CDH18: variants seen among roughly 807,000 people sequenced by gnomAD.
CDH18 encodes the protein cadherin-18.
CDH18 carries 31 observed loss-of-function variants against 67.9 expected under a neutral mutation model. The ratio of observed to expected loss-of-function variants is 0.46; its 90% CI spans 0.34 to 0.62. The LOEUF is 0.62. Ranked by LOEUF, CDH18 falls within the 20% of genes least tolerant of loss-of-function variation. The pLI is 0.01. For synonymous variants in CDH18, 362 were observed against 347.2 expected (o/e 1.04, Z -0.48); for missense variants, 890 against 975.5 (o/e 0.91, Z 1.17).
At chr5:20,213,073 AGC>A (rs1740478881) in intron 2 of CDH18, among the ~76,000 whole-genome samples, 1 of 152,158 alleles carries the variant, frequency 6.6e-6, no homozygotes, top group South Asian at 2.1e-4. Context: ...TGTGTGATTA[AGC>A]TCATTAAGCT....
At chr5:19,851,889 A>T (rs1367151234) in intron 2 of CDH18, among the ~76,000 whole-genome samples, 2 of 151,936 alleles carry the variant, frequency 1.3e-5, no homozygotes, top group African/African-American at 4.8e-5. Context: ...CTTTTAGTTC[A>T]TTAGCTGATA....
At chr5:20,477,339 G>A (rs1351640169) in intron 1 of CDH18, among the ~76,000 whole-genome samples, 4 of 152,094 alleles carry the variant, frequency 2.6e-5, no homozygotes, top group South Asian at 2.1e-4. Context: ...AATCAGGTAG[G>A]CAATAACAGT....
intron 3 of CDH18, among the ~76,000 whole-genome samples, chr5:19,761,231 C>A (rs2149704845): frequency 6.6e-6 from 1 of 152,242 alleles, no homozygotes. Flanking sequence ...GCAATCTTAG[C>A]AAATTTGAGG....
rs914145884 is a variant in CDH18 at position 19,969,711 on chromosome 5, G to T, written c.-257+11349C>A. 1.7e-4 allele frequency among the ~76,000 whole-genome samples: 23 copies of T among 136,046 alleles called. No homozygotes were observed. In the South Asian group the frequency reaches 6.1e-3, roughly 36 times the overall value. The allele number at this position is 136,046 out of a possible 152,430, so 89.3% of individuals were successfully genotyped here. On this transcript the variant is annotated intron_variant, in intron 2 of 12. Transcript: ENST00000382275. The stretch of plus-strand genomic sequence containing the variant: ...GACTGTTGTGTGGTGGGGGGAGCGG[G>T]GAGGGATAGCATTAGGAGATATACC...
At chr5:20,028,103 AT>A (rs560141098) in intron 2 of CDH18, among the ~76,000 whole-genome samples, 92 of 144,300 alleles carry the variant, frequency 6.4e-4, no homozygotes, top group Admixed American at 7.7e-4. Flanking sequence ...ACAACTTTCT[AT>A]TTTTTTTTTT....
At position 20,322,099 on chromosome 5, in the gene CDH18, G is replaced by A. The variant is rs1349411147; in HGVS notation, c.-579-66594C>T. 3.9e-5 allele frequency among the ~76,000 whole-genome samples: 6 copies of A among 152,094 alleles called. No individual in the cohort carries two copies. In the East Asian group the frequency reaches 1.2e-3, roughly 29 times the overall value. On this transcript the variant is annotated intron_variant, in intron 1 of 14. Transcript: ENST00000507958. ...GTCTCATGGCACAACAACATTATAT[G>A]CAGGAACAGAGTGCATGGTTGGAAG...
intron 2 of CDH18, among the ~76,000 whole-genome samples, chr5:20,248,726 G>A (rs961840820): frequency 6.6e-6 from 1 of 152,154 alleles, no homozygotes; most frequent in Non-Finnish European, 1.5e-5. Context: ...TCACTGCTTT[G>A]TACTTAAAAA....
intron 1 of CDH18, among the ~76,000 whole-genome samples, chr5:20,296,827 T>C (rs1747577748): frequency 6.6e-6 from 1 of 151,880 alleles, no homozygotes; most frequent in South Asian, 2.1e-4. Context: ...ATAATATTAC[T>C]ATGATATTTC....
At chr5:19,678,273 C>A (rs1759781480) in intron 5 of CDH18, among the ~76,000 whole-genome samples, 1 of 149,582 alleles carries the variant, frequency 6.7e-6, no homozygotes. Flanking sequence ...GAAATCACAG[C>A]AAACACACTC....
chr5:20,269,197 A>G (rs1284795575), intron 1 of CDH18, among the ~76,000 whole-genome samples: 1 of 152,146 alleles, frequency 6.6e-6, no homozygotes, highest in African/African-American at 2.4e-5. Context: ...TCTTACCCCA[A>G]TCAGAAGGGC....
At chr5:19,843,762 C>T (rs552533553) in intron 2 of CDH18, among the ~76,000 whole-genome samples, 1 of 152,298 alleles carries the variant, frequency 6.6e-6, no homozygotes. Context: ...AGGAGTGGAG[C>T]TACCCTAGGC....
At chr5:19,877,794 GT>G (rs1554055763) in intron 2 of CDH18, among the ~76,000 whole-genome samples, 1 of 152,148 alleles carries the variant, frequency 6.6e-6, no homozygotes, top group Non-Finnish European at 1.5e-5. Context: ...AGAGACAGAT[GT>G]TTGAGGACAG....
intron 5 of CDH18, among the ~76,000 whole-genome samples, chr5:19,635,169 C>T (rs556496572): frequency 6.6e-6 from 1 of 152,110 alleles, no homozygotes; most frequent in East Asian, 1.9e-4. Context: ...TAGTGATTTT[C>T]CTCTGTCTAT....
intron 2 of CDH18, among the ~76,000 whole-genome samples, chr5:19,926,501 G>T (rs1793102843): frequency 6.6e-6 from 1 of 152,002 alleles, no homozygotes; most frequent in South Asian, 2.1e-4. Flanking sequence ...TTTGTAAAAA[G>T]AAAGTGAAAC....
chr5:20,067,256 A>AT (rs1248560237), intron 2 of CDH18, among the ~76,000 whole-genome samples: 1 of 151,554 alleles, frequency 6.6e-6, no homozygotes, highest in African/African-American at 2.4e-5. Flanking sequence ...AGACTGTAGT[A>AT]TTTTAGACCA....
intron 5 of CDH18, among the ~76,000 whole-genome samples, chr5:19,613,390 TAGGCAGG>T (rs1381875059): frequency 6.6e-6 from 1 of 152,190 alleles, no homozygotes; most frequent in Non-Finnish European, 1.5e-5. Flanking sequence ...ACAGAGATTA[TAGGCAGG>T]AGGCATATTA....
intron 2 of CDH18, among the ~76,000 whole-genome samples, chr5:20,007,492 T>C (rs1450344944): frequency 6.6e-6 from 1 of 152,002 alleles, no homozygotes; most frequent in Non-Finnish European, 1.5e-5. Context: ...ACTATTACAG[T>C]TAAATGTCCA....
intron 2 of CDH18, among the ~76,000 whole-genome samples, chr5:20,091,990 T>G (rs1212715256): frequency 6.6e-6 from 1 of 152,184 alleles, no homozygotes; most frequent in Non-Finnish European, 1.5e-5. Context: ...CTCATGTAAT[T>G]TTGGAACCAT....
intron 5 of CDH18, among the ~76,000 whole-genome samples, chr5:19,670,221 A>G (rs554395947): frequency 8.5e-4 from 130 of 152,280 alleles, no homozygotes; most frequent in African/African-American, 3.0e-3. Flanking sequence ...AAAAGTTGCT[A>G]AACAGTTTTT....
Sources: gnomAD v4.1 joint callset for allele counts (sites outside exome capture counted in the v4.1 genomes callset) on GRCh38, gnomAD v4.1.1 for gene constraint, MANE v1.5 for transcripts, NCBI Gene and HGNC (gene_info 2026-07-23, HGNC 2026-07-21) for gene names.